Variants in DVL1 observed in about 807,000 individuals in gnomAD.
DVL1 encodes segment polarity protein dishevelled homolog DVL-1.
DVL1 carries 49 observed loss-of-function variants against 65.0 expected under a neutral mutation model. That is an observed-to-expected ratio of 0.75 (90% CI 0.60 to 0.96). The LOEUF (loss-of-function observed/expected upper bound fraction) is 0.96. DVL1 is among the 40% of genes least tolerant of loss of function. The probability of loss-of-function intolerance (pLI) is 0.00; values close to 1 mark genes in which losing one functional copy is unlikely to be tolerated. For synonymous variants in DVL1, 608 were observed against 433.9 expected (o/e 1.40, Z -4.99); for missense variants, 1,197 against 1,045.4 (o/e 1.15, Z -2.00).
At position 1,341,203 on chromosome 1, in the gene DVL1, C is replaced by A. The variant is rs565618232; in HGVS notation, c.605+464G>T. Among the ~76,000 whole-genome samples, 61 of 151,382 alleles carry A rather than the reference C, an allele frequency of 4.0e-4. 1 individual carries two copies. The East Asian group carries it at 4.9e-3, about 12-fold the overall frequency. ...CACACGCACATCTGCACACGCACACCTGCACACACGCACACGCACACATGC... is the reference window on the plus strand; with the variant it reads ...CACACGCACATCTGCACACGCACACATGCACACACGCACACGCACACATGC... On this transcript the variant is annotated intron_variant, in intron 5 of 14. Coordinates refer to ENST00000378888, the MANE Select transcript of DVL1 (RefSeq NM_001330311.2).
chr1:1,343,086 C>T (rs1457558427), intron 1 of DVL1, among the ~76,000 whole-genome samples: 1 of 152,174 alleles, frequency 6.6e-6, no homozygotes, highest in East Asian at 1.9e-4. Flanking sequence ...GCAGCTCAGC[C>T]AAAGGCTCTC....
At position 1,338,408 on chromosome 1, in the gene DVL1, T is replaced by A. The variant is rs1262801117; in HGVS notation, c.1368A>T (p.Thr456=). 1.6e-5 allele frequency: 25 copies of A among 1,612,524 alleles called. No individual in the cohort carries two copies. The highest frequency in any genetic ancestry group is 2.2e-5 in the East Asian group (1 of 44,862). The change falls in exon 13 of 15, where the codon ACA becomes ACT. Residue 456 remains threonine (T), a synonymous_variant. Coordinates refer to ENST00000378888, the MANE Select transcript of DVL1 (RefSeq NM_001330311.2). ...GCCGCTCCTTGAAGCCCTCCACGTG[T>A]GTGTACAGCCAGTCCACCACGTCCG... ...IGADVVDWLY[T]HVEGFKERRE... is the part of the protein sequence containing the mutation.
At chr1:1,347,015 T>C (rs995072436) in intron 1 of DVL1, among the ~76,000 whole-genome samples, 4 of 151,990 alleles carry the variant, frequency 2.6e-5, no homozygotes, top group Admixed American at 1.3e-4. Flanking sequence ...GGGGAAGGGA[T>C]GAAGGAAGTA....
intron 13 of DVL1, 33 bp downstream of exon 13, chr1:1,338,236 C>A (rs1285833734): frequency 6.4e-7 from 1 of 1,572,314 alleles, no homozygotes. Flanking sequence ...CGTTCCCCTC[C>A]CCCCCGCCCT....
chr1:1,342,371 G>C lies in DVL1; in HGVS notation c.354C>G (p.Pro118=). ...RTGGIGDSRP[P]SFHPNVASSR... ...GCCCACGGTGTCCTTACTGGAAGGA[G>C]GGGGGCCGGGAGTCCCCGATGCCGC... The change falls in exon 3 of 15, where the codon CCC becomes CCG. Residue 118 remains proline (P), a synonymous_variant. Coordinates refer to ENST00000378888, the MANE Select transcript of DVL1 (RefSeq NM_001330311.2). 1.3e-6 allele frequency: 2 copies of C among 1,578,112 alleles called. No homozygotes were observed. Among genetic ancestry groups the C allele is most frequent in the African/African-American group, 1.3e-5 (1 of 74,384 alleles).
At chr1:1,340,897 G>A (rs572314097) in intron 5 of DVL1, among the ~76,000 whole-genome samples, 10 of 126,610 alleles carry the variant, frequency 7.9e-5, no homozygotes, top group East Asian at 4.9e-4. Context: ...CCCTGCACAC[G>A]CACGCATGAA....
intron 1 of DVL1, among the ~76,000 whole-genome samples, chr1:1,343,397 C>T (rs1288086823): frequency 2.0e-5 from 3 of 152,184 alleles, no homozygotes; most frequent in Admixed American, 6.5e-5. Context: ...TCAGGTCCAC[C>T]GCTCCACCTC....
In DVL1 at chr1:1,342,791, G is replaced by T. The variant is rs1336602852; in HGVS notation, c.171-33C>A. ...CATATGCTGCCGTGAGGCCCCACCT[G>T]GGGGGCCCAACCCTGCGGTTCTAGA... is the stretch of plus-strand genomic sequence containing the variant. On this transcript the variant is annotated intron_variant, in intron 1 of 14. Coordinates refer to ENST00000378888, the MANE Select transcript of DVL1 (RefSeq NM_001330311.2). 3 of 1,608,848 alleles carry T rather than the reference G, an allele frequency of 1.9e-6. No individual in the cohort carries two copies. The South Asian group carries it at 3.3e-5, about 18-fold the overall frequency.
At chr1:1,348,402 C>A (rs1329038669) in intron 1 of DVL1, among the ~76,000 whole-genome samples, 1 of 152,224 alleles carries the variant, frequency 6.6e-6, no homozygotes, top group Non-Finnish European at 1.5e-5. Context: ...GACCTCCACC[C>A]TGTCACAAGG....
chr1:1,339,352 G>T lies in DVL1; in HGVS notation c.1142C>A (p.Pro381His), dbSNP rs1014781737. ...GGTGCGCGTGACGGCGCTGGAGCAG[G>T]GACTCGTACCGTAGCGGGGCAGGGC... The part of the protein sequence containing the change: ...TGALPRYGTS[P>H]CSSAVTRTSS... Residue 381 changes from proline to histidine, a missense_variant, in exon 11 of 15, where the codon CCC (proline) becomes CAC (histidine). Coordinates refer to ENST00000378888, the MANE Select transcript of DVL1 (RefSeq NM_001330311.2). 1 of 1,548,728 alleles carries T rather than the reference G, an allele frequency of 6.5e-7. No individual in the cohort carries two copies. The highest frequency in any genetic ancestry group is 2.0e-5 in the Admixed American group (1 of 51,004).
chr1:1,343,869 G>A (rs993754917), intron 1 of DVL1, among the ~76,000 whole-genome samples: 8 of 152,178 alleles, frequency 5.3e-5, no homozygotes, highest in African/African-American at 9.7e-5. Flanking sequence ...ATGCGGAGCC[G>A]GCAGGGCCCC....
At chr1:1,336,815 T>G (rs1643593502) in intron 14 of DVL1, among the ~76,000 whole-genome samples, 1 of 152,104 alleles carries the variant, frequency 6.6e-6, no homozygotes, top group Admixed American at 6.5e-5. Flanking sequence ...AAGACTGAGG[T>G]GCCAGCGAGG....
intron 1 of DVL1, among the ~76,000 whole-genome samples, chr1:1,345,518 T>TCCGCTGAAACTCACGGCAGCTG (rs1643902822): frequency 6.6e-6 from 1 of 152,160 alleles, no homozygotes; most frequent in African/African-American, 2.4e-5. Flanking sequence ...TGTAGCAGCC[T>TCCGCTGAAACTCACGGCAGCTG]CCGCTGAAAC....
chr1:1,341,444 GCA>G (rs377291181), intron 5 of DVL1, among the ~76,000 whole-genome samples: 230 of 151,824 alleles, frequency 1.5e-3, no homozygotes, highest in African/African-American at 3.9e-3. Context: ...TTGCACGCGG[GCA>G]CACACACAGG....
chr1:1,342,576 C>A, intron 2 of DVL1, 92 bp from the exon 3 acceptor site: 1 of 1,573,904 alleles, frequency 6.4e-7, no homozygotes, highest in Non-Finnish European at 8.6e-7. Context: ...GCAAGCTGCC[C>A]TATCCGCACC....
chr1:1,338,229 T>TTGGCCCCCCCCCCCCCCCC, intron 13 of DVL1, 40 bp downstream of exon 13: 1 of 1,522,368 alleles, frequency 6.6e-7, no homozygotes, highest in Non-Finnish European at 9.0e-7. Context: ...CCTCCGGCGT[T>TTGGCCCCCCCCCCCCCCCC]CCCCTCCCCC....
Position 1,335,673 on chromosome 1 carries a change from A to G in DVL1, c.*469T>C. On this transcript the variant is annotated 3_prime_UTR_variant, in exon 15 of 15. Transcript: ENST00000378888. Reference sequence around the variant, plus strand: ...GAAGGTGCAGGCTGCTCCAAGGGGCAGCAGCAGGTGGGACAGATGACAGGG... The same window carrying G: ...GAAGGTGCAGGCTGCTCCAAGGGGCGGCAGCAGGTGGGACAGATGACAGGG... The G allele has an allele frequency of 6.1e-6, 1 of 163,330 alleles. No individual in the cohort carries two copies. The allele number at this position is 163,330 out of a possible 1,614,324, so 10.1% of individuals were successfully genotyped here.
chr1:1,345,414 A>G (rs1444581948), intron 1 of DVL1, among the ~76,000 whole-genome samples: 1 of 152,148 alleles, frequency 6.6e-6, no homozygotes, highest in Non-Finnish European at 1.5e-5. Flanking sequence ...TCCCAGGCAG[A>G]GCCCTGCCGT....
intron 5 of DVL1, among the ~76,000 whole-genome samples, chr1:1,341,024 T>C (rs1222377227): frequency 6.0e-5 from 7 of 115,794 alleles, no homozygotes; most frequent in East Asian, 2.8e-4. Context: ...CCCTGCACAA[T>C]GCACCCCTGC....
Sources: gnomAD v4.1 joint callset for allele counts (sites outside exome capture counted in the v4.1 genomes callset) on GRCh38, gnomAD v4.1.1 for gene constraint, MANE v1.5 for transcripts, NCBI Gene and HGNC (gene_info 2026-07-23, HGNC 2026-07-21) for gene names.